The following ROR2 variants were observed in gnomAD, a reference collection of about 807,000 sequenced individuals.
ROR2 encodes the protein ROR family WNT receptor 2, also known as tyrosine-protein kinase transmembrane receptor ROR2.
A neutral mutation model predicts 74.9 loss-of-function variants in ROR2; 33 were observed. The observed-to-expected ratio is 0.44, with a 90% confidence interval of 0.33 to 0.59. The LOEUF (loss-of-function observed/expected upper bound fraction) is 0.59. Among genes scored for constraint, ROR2 ranks in the 20% least tolerant of loss-of-function variants. The probability of loss-of-function intolerance (pLI) is 0.02; values close to 1 mark genes in which losing one functional copy is unlikely to be tolerated. For missense variants in ROR2, 1,216 were observed against 1,313.8 expected (o/e 0.93, Z 1.15); for synonymous variants, 586 against 558.7 (o/e 1.05, Z -0.69).
intron 1 of ROR2, among the ~76,000 whole-genome samples, chr9:91,842,030 C>A (rs1828796473): frequency 6.6e-6 from 1 of 152,176 alleles, no homozygotes. Context: ...CACCCACCAG[C>A]CTCACCAGGC....
At chr9:91,740,552 G>A (rs549995715) in intron 4 of ROR2, among the ~76,000 whole-genome samples, 2 of 148,600 alleles carry the variant, frequency 1.3e-5, no homozygotes, top group Non-Finnish European at 3.0e-5. Flanking sequence ...ACTCTGTTTC[G>A]GGCGGGGGGG....
intron 2 of ROR2, among the ~76,000 whole-genome samples, chr9:91,766,713 A>C (rs1318822057): frequency 2.0e-5 from 3 of 152,202 alleles, no homozygotes; most frequent in Non-Finnish European, 4.4e-5. Context: ...ACTCACAAAA[A>C]CATTCCTTTG....
chr9:91,939,203 T>C (rs1378586019), intron 1 of ROR2, among the ~76,000 whole-genome samples: 2 of 152,106 alleles, frequency 1.3e-5, no homozygotes, highest in African/African-American at 2.4e-5. Flanking sequence ...TGAGCCAAGA[T>C]TGCGCCACTG....
intron 1 of ROR2, among the ~76,000 whole-genome samples, chr9:91,800,581 T>C: frequency 6.6e-6 from 1 of 152,160 alleles, no homozygotes; most frequent in East Asian, 1.9e-4. Flanking sequence ...TAATTTGAGT[T>C]ACTGAGCTTA....
At chr9:91,920,263 T>C (rs965782968) in intron 1 of ROR2, among the ~76,000 whole-genome samples, 7 of 152,100 alleles carry the variant, frequency 4.6e-5, no homozygotes, top group Non-Finnish European at 1.0e-4. Context: ...TCCCAGCACT[T>C]TGAGAGGTCG....
intron 1 of ROR2, among the ~76,000 whole-genome samples, chr9:91,778,342 G>C (rs532349908): frequency 6.6e-6 from 1 of 152,356 alleles, no homozygotes; most frequent in South Asian, 2.1e-4. Context: ...CCTTGGTGGT[G>C]ACTGCCAACC....
intron 1 of ROR2, among the ~76,000 whole-genome samples, chr9:91,914,850 AG>A (rs765999178): frequency 1.3e-5 from 2 of 152,106 alleles, no homozygotes; most frequent in Non-Finnish European, 2.9e-5. Flanking sequence ...AAACTTACAC[AG>A]GGCCTGGCCT....
intron 1 of ROR2, among the ~76,000 whole-genome samples, chr9:91,885,955 C>T (rs1307711997): frequency 6.9e-6 from 1 of 145,350 alleles, no homozygotes; most frequent in Non-Finnish European, 1.5e-5. Flanking sequence ...CTCACTGCAA[C>T]CTCCGCTTCC....
At chr9:91,867,656 C>CTCTGTGTGTGTGTGTG (rs564755026) in intron 1 of ROR2, among the ~76,000 whole-genome samples, 22 of 131,382 alleles carry the variant, frequency 1.7e-4, no homozygotes, top group South Asian at 2.7e-4. Flanking sequence ...CACCCATGAG[C>CTCTGTGTGTGTGTGTG]TGTGTGTGTG....
At chr9:91,792,404 G>A (rs1026545081) in intron 1 of ROR2, among the ~76,000 whole-genome samples, 3 of 148,890 alleles carry the variant, frequency 2.0e-5, no homozygotes, top group African/African-American at 7.5e-5. Context: ...CGCCTCCCGG[G>A]TTCACACCAT....
intron 1 of ROR2, among the ~76,000 whole-genome samples, chr9:91,795,204 C>G (rs1187609425): frequency 6.6e-6 from 1 of 152,158 alleles, no homozygotes. Context: ...TTCTCTGCCT[C>G]TAATCGCCCC....
chr9:91,918,944 T>G (rs1021419519), intron 1 of ROR2, among the ~76,000 whole-genome samples: 2 of 152,140 alleles, frequency 1.3e-5, no homozygotes, highest in Non-Finnish European at 2.9e-5. Context: ...GTCCTTGTCA[T>G]GCCCACAGAC....
rs924183743 is a variant in ROR2, at chr9:91,905,042, G to A, written c.97+44825C>T. On this transcript the variant is annotated intron_variant, in intron 1 of 8. Coordinates refer to ENST00000375708, the MANE Select transcript of ROR2 (RefSeq NM_004560.4). This position sits in a 1 kb window ranked among gnomAD's most constrained non-coding sequence, Gnocchi z 5.3. ...CCACACACAAAAACGTAACATATACGCAAACATCACACCACACAGACATAC... is the reference window on the plus strand; with the variant it reads ...CCACACACAAAAACGTAACATATACACAAACATCACACCACACAGACATAC... 6.5e-5 allele frequency among the ~76,000 whole-genome samples: 9 copies of A among 139,428 alleles called. No homozygotes were observed. The East Asian group carries it at 6.9e-4, about 11-fold the overall frequency. 91.5% of individuals were successfully genotyped at this position (139,428 alleles called of 152,430 possible). A position where few individuals can be genotyped will look rare whatever the true frequency, so the allele number is the denominator to read the frequency against.
At chr9:91,925,169 C>G (rs1354219582) in intron 1 of ROR2, among the ~76,000 whole-genome samples, 1 of 152,122 alleles carries the variant, frequency 6.6e-6, no homozygotes, top group Non-Finnish European at 1.5e-5. Flanking sequence ...GCATTTTTAA[C>G]AAGCTCCCAG....
intron 2 of ROR2, 121 bp downstream of exon 2, chr9:91,775,620 C>T (rs888102415): frequency 2.3e-6 from 2 of 877,150 alleles, no homozygotes; most frequent in Non-Finnish European, 3.8e-6. Flanking sequence ...ATACCCACCA[C>T]CAGGGGGCAC....
intron 1 of ROR2, among the ~76,000 whole-genome samples, chr9:91,839,083 C>T (rs914645787): frequency 2.6e-5 from 4 of 152,262 alleles, no homozygotes; most frequent in South Asian, 2.1e-4. Flanking sequence ...ACTGGCTACG[C>T]GCAGGCACAT....
At chr9:91,827,054 C>A (rs945683817) in intron 1 of ROR2, among the ~76,000 whole-genome samples, 2 of 152,120 alleles carry the variant, frequency 1.3e-5, no homozygotes, top group African/African-American at 4.8e-5. Context: ...TAACTATATA[C>A]GCACTCTATA....
rs1322401357 is a variant in ROR2, at chr9:91,737,505, C to T, written c.508G>A (p.Glu170Lys). ...CGGTAAGGCTGGCAGAACCCATCCT[C>T]GTGGTAATCATCCCTGGTAAGAAAC... ...PNHNFQDDYHEDGFCQPYRGI... is the reference protein window; with the variant it reads ...PNHNFQDDYHKDGFCQPYRGI... The change falls in exon 5 of 9, where the codon GAG (glutamate) becomes AAG (lysine). Residue 170 changes from glutamate to lysine, a missense_variant. By Grantham distance (56) the Glu-to-Lys change is moderately conservative. Transcript: ENST00000375708. 4.3e-6 allele frequency: 7 copies of T among 1,614,066 alleles called. No homozygotes were observed. The highest frequency in any genetic ancestry group is 2.7e-5 in the African/African-American group (2 of 74,926).
chr9:91,777,052 C>T (rs771652372), intron 1 of ROR2, among the ~76,000 whole-genome samples: 5 of 152,106 alleles, frequency 3.3e-5, no homozygotes, highest in Non-Finnish European at 7.3e-5. Flanking sequence ...TCAGCATGTC[C>T]AATCACGAGA....
Sources: allele counts gnomAD v4.1 joint callset (sites outside exome capture counted in the v4.1 genomes callset), GRCh38; gene constraint gnomAD v4.1.1; non-coding constraint Gnocchi (gnomAD v3.1); transcripts MANE v1.5; gene names NCBI Gene and HGNC (gene_info 2026-07-23, HGNC 2026-07-21).